BORCS5: variants seen among roughly 807,000 people sequenced by gnomAD.
BORCS5 encodes the protein BLOC-1 related complex subunit 5.
In BORCS5, 17 loss-of-function variants were observed where a neutral mutation model predicts 22.1. That is an observed-to-expected ratio of 0.77 (90% CI 0.53 to 1.15). The LOEUF is 1.15. BORCS5 is among the 50% of genes most tolerant of loss of function. The probability of loss-of-function intolerance (pLI) is 0.00; values close to 1 mark genes in which losing one functional copy is unlikely to be tolerated. For missense variants in BORCS5, 247 were observed against 253.2 expected (o/e 0.98, Z 0.17); for synonymous variants, 117 against 99.8 (o/e 1.17, Z -1.03).
intron 2 of BORCS5, among the ~76,000 whole-genome samples, chr12:12,423,692 T>TTTTGTTTG (rs57015751): frequency 0.59 from 89,502 of 150,788 alleles, 27,289 homozygotes; most frequent in African/African-American, 0.7. Context: ...CTCGTTGTCT[T>TTTTGTTTG]TTTGTTTGTT....
intron 2 of BORCS5, among the ~76,000 whole-genome samples, chr12:12,367,041 T>C (rs1024630603): frequency 1.3e-5 from 2 of 152,248 alleles, no homozygotes; most frequent in Non-Finnish European, 2.9e-5. Flanking sequence ...AAGAACATGA[T>C]GCATGTGAAG....
chr12:12,360,567 A>AT (rs35965943), intron 1 of BORCS5, among the ~76,000 whole-genome samples: 8,907 of 89,258 alleles, frequency 0.1, 572 homozygotes, highest in South Asian at 0.13. Flanking sequence ...ATTAAAAGAA[A>AT]TTTTTTTTTT....
chr12:12,382,069 A>AG (rs1863785489), intron 2 of BORCS5, among the ~76,000 whole-genome samples: 1 of 151,480 alleles, frequency 6.6e-6, no homozygotes, highest in Admixed American at 6.6e-5. Flanking sequence ...ATCTAATATT[A>AG]ATAGAGCCAT....
intron 2 of BORCS5, among the ~76,000 whole-genome samples, chr12:12,421,021 C>T (rs1201784756): frequency 6.6e-6 from 1 of 152,190 alleles, no homozygotes; most frequent in Non-Finnish European, 1.5e-5. Context: ...TTCCTCATTT[C>T]CTAATTGAAT....
intron 3 of BORCS5, among the ~76,000 whole-genome samples, chr12:12,453,531 C>G (rs951180095): frequency 3.3e-5 from 5 of 152,166 alleles, no homozygotes; most frequent in African/African-American, 1.2e-4. Flanking sequence ...TCTTCGTAAA[C>G]TCGAAAGTGG....
At position 12,465,665 on chromosome 12, in the gene BORCS5, G is replaced by T. The variant is rs1010644162; in HGVS notation, c.480G>T (p.Gln160His). The change falls in exon 4 of 4, where the codon CAG (glutamine) becomes CAT (histidine). Residue 160 changes from glutamine (Q) to histidine (H), a missense_variant. Gln to His is a conservative substitution (Grantham distance 24, BLOSUM62 0). Transcript: ENST00000314565. ...NEMSAILRRI[Q>H]MGIDQTVPLL... ...TGTCCGCCATCCTCCGCCGCATACA[G>T]ATGGGCATCGACCAGACTGTGCCCC... 6.2e-7 allele frequency: 1 copy of T among 1,614,178 alleles called. No homozygotes were observed. Among genetic ancestry groups the T allele is most frequent in the African/African-American group, 1.3e-5 (1 of 74,962 alleles).
chr12:12,402,036 A>G (rs1941492180), intron 2 of BORCS5, among the ~76,000 whole-genome samples: 1 of 149,338 alleles, frequency 6.7e-6, no homozygotes, highest in East Asian at 2.0e-4. Context: ...ACTGCACTTC[A>G]GCCTGGGCTA....
At chr12:12,452,936 T>C (rs1431255245) in intron 3 of BORCS5, among the ~76,000 whole-genome samples, 5 of 152,122 alleles carry the variant, frequency 3.3e-5, no homozygotes, top group Non-Finnish European at 5.9e-5. Context: ...GGGATAGAGG[T>C]GGCAGGTGGG....
rs746453799 is a variant in BORCS5 at position 12,407,707 on chromosome 12, TG to T, written c.203-27920del. Among the ~76,000 whole-genome samples, 115 of 148,118 alleles carry T rather than the reference TG, an allele frequency of 7.8e-4. 3 individuals are homozygous for T. Among genetic ancestry groups the T allele is most frequent in the South Asian group, 1.9e-3 (9 of 4,760 alleles). ...TCGCCATGAATTTTACTATTCTTTT[TG>T]TTTTTTTTTTTTTTTGAGACAGGGC... On this transcript the variant is annotated intron_variant, in intron 2 of 3. Coordinates refer to ENST00000314565, the MANE Select transcript of BORCS5 (RefSeq NM_058169.6).
intron 3 of BORCS5, among the ~76,000 whole-genome samples, chr12:12,460,080 A>G (rs1943075032): frequency 1.3e-5 from 2 of 152,216 alleles, no homozygotes. Flanking sequence ...TTGGATTGCA[A>G]ATGAACCTCT....
rs926893487 is a variant in BORCS5 at position 12,373,981 on chromosome 12, C to CTTTTT, written c.202+12652_202+12656dup. Among the ~76,000 whole-genome samples, 784 of 89,774 alleles carry CTTTTT rather than the reference C, an allele frequency of 8.7e-3. 69 individuals are homozygous for CTTTTT. The highest frequency in any genetic ancestry group is 0.029 in the African/African-American group (587 of 20,152). 58.9% of individuals were successfully genotyped at this position (89,774 alleles called of 152,430 possible). ...AGAAGGCAGGGTTGCAGAGAGTATT[C>CTTTTT]TTTTTTTTTTTTTTTTTTTTTTTTG... On this transcript the variant is annotated intron_variant, in intron 2 of 3. Coordinates refer to ENST00000314565, the MANE Select transcript of BORCS5 (RefSeq NM_058169.6).
At chr12:12,421,308 CAT>C (rs1361964583) in intron 2 of BORCS5, among the ~76,000 whole-genome samples, 12 of 152,116 alleles carry the variant, frequency 7.9e-5, no homozygotes, top group African/African-American at 2.9e-4. Context: ...TTGAGATAAT[CAT>C]GTGTTTTTTG....
intron 2 of BORCS5, among the ~76,000 whole-genome samples, chr12:12,408,510 C>T (rs1232029217): frequency 2.0e-5 from 3 of 152,172 alleles, no homozygotes; most frequent in Non-Finnish European, 2.9e-5. Flanking sequence ...GAATGTTTTT[C>T]ATCTTGCAAA....
At chr12:12,401,744 T>C (rs1031060767) in intron 2 of BORCS5, among the ~76,000 whole-genome samples, 1 of 152,134 alleles carries the variant, frequency 6.6e-6, no homozygotes, top group African/African-American at 2.4e-5. Flanking sequence ...GCATTTCCCA[T>C]GTCATTGGAT....
chr12:12,366,756 A>G (rs1465757595), intron 2 of BORCS5, among the ~76,000 whole-genome samples: 2 of 152,244 alleles, frequency 1.3e-5, no homozygotes, highest in Non-Finnish European at 2.9e-5. Flanking sequence ...TTGCAAGAGA[A>G]AAGTAATATG....
At chr12:12,392,423 T>C (rs1355294321) in intron 2 of BORCS5, among the ~76,000 whole-genome samples, 1 of 152,080 alleles carries the variant, frequency 6.6e-6, no homozygotes, top group African/African-American at 2.4e-5. Context: ...AAAGAATCAT[T>C]CCAGTTCTGC....
intron 2 of BORCS5, among the ~76,000 whole-genome samples, chr12:12,427,527 G>C (rs983800039): frequency 6.6e-6 from 1 of 152,160 alleles, no homozygotes; most frequent in Non-Finnish European, 1.5e-5. Flanking sequence ...TTGAGAACTA[G>C]AGTTTAAGTA....
rs911979192 is a variant in BORCS5 at position 12,361,317 on chromosome 12, A to C, written c.170A>C (p.Gln57Pro). 2 of 1,614,052 alleles carry C rather than the reference A, an allele frequency of 1.2e-6. No homozygotes were observed. ...VSNDPDVIKL[Q>P]EIPTFQPLLK... is the part of the protein sequence containing the mutation. ...AACGATCCCGATGTCATCAAGTTGC[A>C]AGAGATTCCAACCTTCCAGCCCCTT... is the stretch of plus-strand genomic sequence containing the variant. Residue 57 changes from glutamine (Q) to proline (P), a missense_variant, in exon 2 of 4, where the codon CAA becomes CCA. By Grantham distance (76) the Gln-to-Pro change is moderately conservative. Coordinates refer to ENST00000314565, the MANE Select transcript of BORCS5 (RefSeq NM_058169.6).
At chr12:12,386,456 T>G (rs958528578) in intron 2 of BORCS5, among the ~76,000 whole-genome samples, 10 of 150,204 alleles carry the variant, frequency 6.7e-5, no homozygotes, top group Non-Finnish European at 1.3e-4. Context: ...TGTTGCTATT[T>G]TTTTTTTTTT....
Sources: allele counts gnomAD v4.1 joint callset (sites outside exome capture counted in the v4.1 genomes callset), GRCh38; gene constraint gnomAD v4.1.1; transcripts MANE v1.5; gene names NCBI Gene and HGNC (gene_info 2026-07-23, HGNC 2026-07-21).